The following ATP11B variants were observed in gnomAD, a reference collection of about 807,000 sequenced individuals.
The protein encoded by ATP11B is phospholipid-transporting ATPase IF.
Under a neutral mutation model 157.8 loss-of-function variants are expected in ATP11B, and 81 were observed. That is an observed-to-expected ratio of 0.51 (90% CI 0.43 to 0.62). The LOEUF (loss-of-function observed/expected upper bound fraction) is 0.62, where lower values mean the gene tolerates loss of function less well. Ranked by LOEUF, ATP11B falls within the 20% of genes least tolerant of loss-of-function variation. The probability of loss-of-function intolerance (pLI) is 0.00; values close to 1 mark genes in which losing one functional copy is unlikely to be tolerated. For missense variants in ATP11B, 1,165 were observed against 1,402.2 expected, an observed-to-expected ratio of 0.83 and a Z score of 2.70; for synonymous variants, 451 against 469.4, an observed-to-expected ratio of 0.96 and a Z score of 0.51.
chr3:182,854,752 T>TACACAC (rs71183649), intron 10 of ATP11B, among the ~76,000 whole-genome samples: 10 of 145,970 alleles, frequency 6.9e-5, no homozygotes, highest in Middle Eastern at 3.4e-3. Context: ...TGCATGTGTT[T>TACACAC]ACACACACAC....
At chr3:182,873,774 A>G in intron 18 of ATP11B, 38 bp from the exon 19 acceptor site, 3 of 1,532,178 alleles carry the variant, frequency 2.0e-6, no homozygotes, top group Non-Finnish European at 2.7e-6. Context: ...CAGTCATAAA[A>G]GTATTCTCTA....
rs11542172 is a variant in ATP11B at position 182,921,093 on chromosome 3, A to T, written c.*2989A>T. 6.6e-6 allele frequency: 1 copy of T among 152,224 alleles called. No homozygotes were observed. Among genetic ancestry groups the T allele is most frequent in the Non-Finnish European group, 1.5e-5 (1 of 68,042 alleles). 9.4% of individuals were successfully genotyped at this position (152,224 alleles called of 1,614,324 possible). On this transcript the variant is annotated 3_prime_UTR_variant, in exon 30 of 30. Transcript: ENST00000323116. ...GGCCACTAGAAAATTGACAGTTAAG[A>T]GCCAAAAGTTTTTAAAATATGCTAC...
chr3:182,881,015 C>T, intron 21 of ATP11B, 34 bp downstream of exon 21: 2 of 1,463,718 alleles, frequency 1.4e-6, no homozygotes, highest in Non-Finnish European at 1.9e-6. Flanking sequence ...TTTTCCTGAA[C>T]TTTTAAAGTT....
intron 21 of ATP11B, among the ~76,000 whole-genome samples, chr3:182,884,235 T>G (rs1202457336): frequency 2.0e-5 from 3 of 152,078 alleles, no homozygotes; most frequent in Admixed American, 2.0e-4. Flanking sequence ...CAAATGATAT[T>G]GCTTATTTTT....
chr3:182,824,002 A>AC (rs993951983), intron 2 of ATP11B, among the ~76,000 whole-genome samples: 1 of 150,234 alleles, frequency 6.7e-6, no homozygotes, highest in African/African-American at 2.4e-5. Flanking sequence ...CCTCCTCCTC[A>AC]CCCCCCAGGC....
In ATP11B at chr3:182,875,568, C is replaced by T. The variant is rs371385264; in HGVS notation, c.2252+1553C>T. 1.5e-3 allele frequency among the ~76,000 whole-genome samples: 232 copies of T among 152,108 alleles called. 2 individuals carry two copies. The highest frequency in any genetic ancestry group is 5.4e-3 in the African/African-American group (225 of 41,490). On this transcript the variant is annotated intron_variant, in intron 19 of 29. Transcript: ENST00000323116. ...GTGATTCTCCTGCCTCAGCCTCCTG[C>T]GTAGCTGGGATTACAGGCATGCACC...
At position 182,813,649 on chromosome 3, in the gene ATP11B, G is replaced by A. The variant is rs769271413; in HGVS notation, c.28-6611G>A. Among the ~76,000 whole-genome samples, 8 of 152,082 alleles carry A rather than the reference G, an allele frequency of 5.3e-5. 1 individual carries two copies. The South Asian group carries it at 6.2e-4, about 12-fold the overall frequency. On this transcript the variant is annotated intron_variant, in intron 1 of 29. Coordinates refer to ENST00000323116, the MANE Select transcript of ATP11B (RefSeq NM_014616.3). ...ATGGTATATTTCACTCTACAGAACC[G>A]CTTTAAAATTTTTTCCATTTCCAAA...
intron 1 of ATP11B, among the ~76,000 whole-genome samples, chr3:182,813,242 A>G (rs1204907130): frequency 6.6e-6 from 1 of 152,188 alleles, no homozygotes; most frequent in East Asian, 1.9e-4. Flanking sequence ...CAGAAGTAGA[A>G]TTGCTGGATC....
intron 28 of ATP11B, chr3:182,906,066 C>G (rs867271600): frequency 3.1e-5 from 10 of 319,094 alleles, no homozygotes; most frequent in South Asian, 2.1e-4. Flanking sequence ...CGTTGTTTTC[C>G]TTTTTTGTGG....
chr3:182,889,563 T>G lies in ATP11B; in HGVS notation c.2982+15T>G. The G allele has an allele frequency of 6.6e-7, 1 of 1,521,054 alleles. No individual in the cohort carries two copies. Among genetic ancestry groups the G allele is most frequent in the Non-Finnish European group, 8.7e-7 (1 of 1,143,530 alleles). The allele number at this position is 1,521,054 out of a possible 1,614,324, so 94.2% of individuals were successfully genotyped here. On this transcript the variant is annotated intron_variant, in intron 25 of 29. Transcript: ENST00000323116. ...GAAATGGCCAGGTAAAGTATATAGT[T>G]TTTTTAAAGAATGCTTGTTAATATT...
At chr3:182,842,480 A>G (rs1188312020) in intron 8 of ATP11B, among the ~76,000 whole-genome samples, 1 of 151,968 alleles carries the variant, frequency 6.6e-6, no homozygotes. Flanking sequence ...TGGGCGTGCC[A>G]CTCTCCAGAA....
intron 28 of ATP11B, among the ~76,000 whole-genome samples, chr3:182,911,728 G>A (rs1724810185): frequency 1.3e-5 from 2 of 152,212 alleles, no homozygotes; most frequent in South Asian, 2.1e-4. Flanking sequence ...TGAGCACAGG[G>A]TTACTATCCC....
chr3:182,894,678 T>C, intron 25 of ATP11B, among the ~76,000 whole-genome samples: 1 of 152,256 alleles, frequency 6.6e-6, no homozygotes, highest in African/African-American at 2.4e-5. Flanking sequence ...TCTAGGACCT[T>C]GAATGGGGCC....
At chr3:182,917,499 T>C (rs1442936939) in intron 29 of ATP11B, 1 of 985,400 alleles carries the variant, frequency 1.0e-6, no homozygotes, top group African/African-American at 1.7e-5. Flanking sequence ...GCTAGTGACC[T>C]ACAGGTGTCT....
chr3:182,872,629 A>G, intron 18 of ATP11B, 92 bp downstream of exon 18: 1 of 1,074,484 alleles, frequency 9.3e-7, no homozygotes, highest in Non-Finnish European at 1.3e-6. Context: ...TCTCTTTACT[A>G]ACATCCCATG....
chr3:182,866,834 ATATG>A (rs1164918869), intron 14 of ATP11B, among the ~76,000 whole-genome samples: 1 of 127,332 alleles, frequency 7.9e-6, no homozygotes, highest in Non-Finnish European at 1.8e-5. Flanking sequence ...TTTTATAAAA[ATATG>A]TAAGTAATAA....
chr3:182,868,584 G>A (rs956927714), intron 15 of ATP11B, among the ~76,000 whole-genome samples: 1 of 151,996 alleles, frequency 6.6e-6, no homozygotes, highest in African/African-American at 2.4e-5. Flanking sequence ...ACACACCCAG[G>A]TTCACAGTCA....
intron 2 of ATP11B, among the ~76,000 whole-genome samples, chr3:182,821,736 A>G (rs750965974): frequency 6.6e-6 from 1 of 152,228 alleles, no homozygotes; most frequent in Non-Finnish European, 1.5e-5. Flanking sequence ...AAATGTCAGT[A>G]GCTACATGTG....
chr3:182,897,511 T>C, intron 27 of ATP11B, 105 bp downstream of exon 27: 1 of 772,854 alleles, frequency 1.3e-6, no homozygotes, highest in Non-Finnish European at 2.0e-6. Flanking sequence ...GATTTCAGAC[T>C]CCTGGTAAGT....
Sources: gnomAD v4.1 joint callset for allele counts (sites outside exome capture counted in the v4.1 genomes callset) on GRCh38, gnomAD v4.1.1 for gene constraint, MANE v1.5 for transcripts, NCBI Gene and HGNC (gene_info 2026-07-23, HGNC 2026-07-21) for gene names.